The following IL1RAPL2 variants were observed in gnomAD, a reference collection of about 807,000 sequenced individuals.
IL1RAPL2 encodes interleukin 1 receptor accessory protein like 2, also known as X-linked interleukin-1 receptor accessory protein-like 2.
In IL1RAPL2, 3 loss-of-function variants were observed where a neutral mutation model predicts 44.1. That is an observed-to-expected ratio of 0.07 (90% CI 0.03 to 0.18). The LOEUF is 0.18. IL1RAPL2 is among the 10% of genes least tolerant of loss of function. IL1RAPL2 has a pLI of 1.00. For synonymous variants in IL1RAPL2, 181 were observed against 178.8 expected, an observed-to-expected ratio of 1.01 and a Z score of -0.10; for missense variants, 391 against 496.4, an observed-to-expected ratio of 0.79 and a Z score of 2.02.
intron 2 of IL1RAPL2, among the ~76,000 whole-genome samples, chrX:104,799,025 A>G (rs1478227086): frequency 9.0e-6 from 1 of 110,987 alleles, no homozygotes; most frequent in East Asian, 2.8e-4. Context: ...AGTATTTTAC[A>G]TGGATCAACT....
intron 3 of IL1RAPL2, among the ~76,000 whole-genome samples, chrX:105,229,785 A>AT (rs1170496169): frequency 9.1e-6 from 1 of 110,493 alleles, no homozygotes. Context: ...CCAGAAGTAA[A>AT]TTTTTTGTTT....
chrX:105,056,926 T>A (rs1265011165), intron 2 of IL1RAPL2, among the ~76,000 whole-genome samples: 1 of 86,173 alleles, frequency 1.2e-5, no homozygotes, highest in Non-Finnish European at 2.2e-5. Context: ...GAAATGTTTT[T>A]AGGTCAAAAC....
At chrX:105,046,071 T>A (rs1362487063) in intron 2 of IL1RAPL2, among the ~76,000 whole-genome samples, 1 of 111,490 alleles carries the variant, frequency 9.0e-6, no homozygotes, top group Non-Finnish European at 1.9e-5. Context: ...CATTAAGACT[T>A]CCAGATCCTC....
intron 6 of IL1RAPL2, among the ~76,000 whole-genome samples, chrX:105,696,824 G>A (rs764947788): frequency 2.7e-4 from 30 of 111,711 alleles, no homozygotes; most frequent in African/African-American, 8.1e-4. Flanking sequence ...AGCTAAAACA[G>A]GGTATTTACT....
intron 2 of IL1RAPL2, among the ~76,000 whole-genome samples, chrX:105,137,555 A>G (rs1351639647): frequency 8.9e-6 from 1 of 112,292 alleles, no homozygotes; most frequent in Non-Finnish European, 1.9e-5. Flanking sequence ...ACCATCCTGG[A>G]AAATAAAAAT....
At chrX:105,635,780 CTCTAAGA>C (rs888881044) in intron 6 of IL1RAPL2, among the ~76,000 whole-genome samples, 16 of 111,958 alleles carry the variant, frequency 1.4e-4, no homozygotes, top group African/African-American at 5.2e-4. Context: ...TGTTCTTAAT[CTCTAAGA>C]TCTATTTCCA....
intron 2 of IL1RAPL2, among the ~76,000 whole-genome samples, chrX:104,866,323 T>C (rs1465563386): frequency 2.7e-5 from 3 of 111,614 alleles, no homozygotes; most frequent in African/African-American, 9.8e-5. Flanking sequence ...GTTGCTCATA[T>C]GAAGGATAAT....
intron 2 of IL1RAPL2, among the ~76,000 whole-genome samples, chrX:105,137,463 C>G (rs968325672): frequency 9.0e-6 from 1 of 111,362 alleles, no homozygotes; most frequent in African/African-American, 3.3e-5. Flanking sequence ...CTGACATAAC[C>G]AGAAAACTAT....
intron 2 of IL1RAPL2, among the ~76,000 whole-genome samples, chrX:104,821,804 C>A (rs1921311305): frequency 8.9e-6 from 1 of 111,870 alleles, no homozygotes. Flanking sequence ...GTTCTAGATC[C>A]TTGAGGAATC....
intron 2 of IL1RAPL2, among the ~76,000 whole-genome samples, chrX:104,939,050 C>CTTTTTTT (rs60881835): frequency 1.1e-4 from 9 of 81,463 alleles, no homozygotes; most frequent in African/African-American, 2.6e-4. Flanking sequence ...TGCATGCTAG[C>CTTTTTTT]TTTTTTTTTT....
At chrX:105,650,035 T>C (rs1332403432) in intron 6 of IL1RAPL2, among the ~76,000 whole-genome samples, 2 of 111,114 alleles carry the variant, frequency 1.8e-5, no homozygotes, top group African/African-American at 6.5e-5. Context: ...ATAGGAGCTG[T>C]CCTCCCCTAA....
chrX:105,573,563 G>A (rs1422122633), intron 6 of IL1RAPL2, among the ~76,000 whole-genome samples: 1 of 111,425 alleles, frequency 9.0e-6, no homozygotes, highest in African/African-American at 3.3e-5. Flanking sequence ...ATGTGATTTT[G>A]TGAACGGGTG....
chrX:105,170,705 C>G, intron 2 of IL1RAPL2, among the ~76,000 whole-genome samples: 1 of 112,062 alleles, frequency 8.9e-6, no homozygotes, highest in Non-Finnish European at 1.9e-5. Flanking sequence ...TGCTATACTG[C>G]CAGTCAAGAA....
chrX:104,707,811 CT>C (rs746105906), intron 2 of IL1RAPL2, among the ~76,000 whole-genome samples: 12 of 111,814 alleles, frequency 1.1e-4, no homozygotes, highest in Non-Finnish European at 1.9e-4. Flanking sequence ...TGACTCATAA[CT>C]TAACTTTGAG....
At chrX:105,402,250 A>G (rs1248891880) in intron 5 of IL1RAPL2, among the ~76,000 whole-genome samples, 1 of 111,648 alleles carries the variant, frequency 9.0e-6, no homozygotes, top group African/African-American at 3.2e-5. Context: ...CAAAAATTAT[A>G]CCACCCTGCT....
chrX:105,045,811 C>T (rs1408309673), intron 2 of IL1RAPL2, among the ~76,000 whole-genome samples: 1 of 111,302 alleles, frequency 9.0e-6, no homozygotes, highest in Non-Finnish European at 1.9e-5. Context: ...AATCCTCCTG[C>T]CTCAGCCTCC....
chrX:104,957,752 C>A (rs954494449), intron 2 of IL1RAPL2, among the ~76,000 whole-genome samples: 1 of 111,167 alleles, frequency 9.0e-6, no homozygotes, highest in Non-Finnish European at 1.9e-5. Flanking sequence ...GCAGGTCTAT[C>A]GTCATTGGTG....
At chrX:104,915,128 G>A (rs935459230) in intron 2 of IL1RAPL2, among the ~76,000 whole-genome samples, 4 of 111,518 alleles carry the variant, frequency 3.6e-5, no homozygotes, top group East Asian at 5.6e-4. Flanking sequence ...CTAGATCCCC[G>A]AGGAATCGCC....
At chrX:105,094,682 A>G (rs1306702492) in intron 2 of IL1RAPL2, among the ~76,000 whole-genome samples, 1 of 110,909 alleles carries the variant, frequency 9.0e-6, no homozygotes, top group Non-Finnish European at 1.9e-5. Context: ...GTAATTCCAC[A>G]TGAATTTTAA....
Sources: allele counts gnomAD v4.1 joint callset (sites outside exome capture counted in the v4.1 genomes callset), GRCh38; gene constraint gnomAD v4.1.1; transcripts MANE v1.5; gene names NCBI Gene and HGNC (gene_info 2026-07-23, HGNC 2026-07-21).